Variants in DAZL observed in about 807,000 individuals in gnomAD.
The protein encoded by DAZL is deleted in azoospermia-like.
A neutral mutation model predicts 45.0 loss-of-function variants in DAZL; 4 were observed. The ratio of observed to expected loss-of-function variants is 0.09; its 90% confidence interval spans 0.04 to 0.20. The LOEUF (loss-of-function observed/expected upper bound fraction) is 0.20. Among genes scored for constraint, DAZL ranks in the 10% least tolerant of loss-of-function variants. The pLI is 1.00. For synonymous variants in DAZL, 122 were observed against 112.4 expected, an observed-to-expected ratio of 1.09 and a Z score of -0.54; for missense variants, 326 against 351.3, an observed-to-expected ratio of 0.93 and a Z score of 0.58.
intron 10 of DAZL, among the ~76,000 whole-genome samples, chr3:16,590,815 C>G (rs1421598298): frequency 6.0e-5 from 9 of 150,996 alleles, no homozygotes; most frequent in African/African-American, 2.2e-4. Flanking sequence ...ACAGGAAAAT[C>G]CTTAGAGAAA....
At chr3:16,604,837 G>A (rs1038293077) in intron 1 of DAZL, 12 of 859,476 alleles carry the variant, frequency 1.4e-5, no homozygotes, top group Admixed American at 1.2e-4. Context: ...TGGGAGTGGG[G>A]GCGGGGTGGG....
intron 1 of DAZL, among the ~76,000 whole-genome samples, chr3:16,602,950 C>A (rs1694714881): frequency 6.6e-6 from 1 of 151,994 alleles, no homozygotes; most frequent in Admixed American, 6.6e-5. Context: ...TGAATCAATA[C>A]AAATAAAAAT....
chr3:16,589,449 A>G (rs1468581279), intron 10 of DAZL, among the ~76,000 whole-genome samples: 1 of 152,138 alleles, frequency 6.6e-6, no homozygotes, highest in Admixed American at 6.6e-5. Flanking sequence ...AATCTGTCAA[A>G]AGAGTGATAT....
At chr3:16,600,468 T>C (rs559809012) in intron 1 of DAZL, among the ~76,000 whole-genome samples, 32 of 152,310 alleles carry the variant, frequency 2.1e-4, no homozygotes, top group African/African-American at 6.7e-4. Context: ...TTCATGACAA[T>C]GATGTGGAAG....
chr3:16,587,184 C>G lies in DAZL; in HGVS notation c.*1476G>C, dbSNP rs1694450246. On this transcript the variant is annotated 3_prime_UTR_variant, in exon 11 of 11. Transcript: ENST00000399444. ...TTGGGAATTCTAAAGTTAAAAGACT[C>G]TCTCCTTCAGATTCAGAATGAAAAT... 1 of 152,094 alleles carries G rather than the reference C, an allele frequency of 6.6e-6. No individual in the cohort carries two copies. Among genetic ancestry groups the G allele is most frequent in the African/African-American group, 2.4e-5 (1 of 41,424 alleles). The allele number at this position is 152,094 out of a possible 1,614,324, so 9.4% of individuals were successfully genotyped here.
intron 6 of DAZL, among the ~76,000 whole-genome samples, chr3:16,596,298 A>G (rs1204996249): frequency 1.3e-5 from 2 of 152,124 alleles, no homozygotes. Flanking sequence ...CAGGATTTAC[A>G]TAGTAAAACA....
At chr3:16,604,921 A>G in intron 1 of DAZL, 1 of 672,794 alleles carries the variant, frequency 1.5e-6, no homozygotes, top group East Asian at 2.8e-5. Flanking sequence ...GGGTGCCTCA[A>G]GAAGGCCGTG....
intron 10 of DAZL, among the ~76,000 whole-genome samples, chr3:16,591,236 G>A (rs1190918986): frequency 7.2e-5 from 11 of 151,912 alleles, no homozygotes; most frequent in African/African-American, 1.7e-4. Context: ...GATAGACGGC[G>A]GGATCAGAAA....
intron 1 of DAZL, among the ~76,000 whole-genome samples, chr3:16,603,266 C>T (rs184550486): frequency 1.3e-5 from 2 of 152,132 alleles, no homozygotes; most frequent in African/African-American, 2.4e-5. Context: ...AGCGCTTTCA[C>T]CCAGCAATTC....
intron 9 of DAZL, 146 bp downstream of exon 9, chr3:16,593,509 A>G (rs1421115478): frequency 2.3e-5 from 13 of 565,070 alleles, no homozygotes; most frequent in African/African-American, 2.3e-4. Flanking sequence ...TTCTTTTACT[A>G]TTTGGTCAAG....
chr3:16,598,277 T>G (rs949840403), intron 2 of DAZL, 99 bp from the exon 3 acceptor site: 2 of 1,414,890 alleles, frequency 1.4e-6, no homozygotes, highest in African/African-American at 2.8e-5. Context: ...TCTCCCCCAT[T>G]TATCCCCAAA....
At chr3:16,592,285 G>T (rs922010637) in intron 9 of DAZL, 137 bp from the exon 10 acceptor site, 1 of 1,317,882 alleles carries the variant, frequency 7.6e-7, no homozygotes, top group Admixed American at 2.0e-5. Context: ...GACTGGGAGT[G>T]GTGGCTCACG....
rs763085910 is a variant in DAZL at position 16,596,900 on chromosome 3, A to T, written c.359-11T>A. ...GCACATGATAAGCACCTTTTTGAAAAGCAAAAAGAAAAGGCCTATTTTTAG... is the reference window on the plus strand; with the variant it reads ...GCACATGATAAGCACCTTTTTGAAATGCAAAAAGAAAAGGCCTATTTTTAG... On this transcript the variant is annotated splice_polypyrimidine_tract_variant and intron_variant, in intron 5 of 10. Coordinates refer to ENST00000399444, the MANE Select transcript of DAZL (RefSeq NM_001351.4). The T allele has an allele frequency of 6.2e-7, 1 of 1,613,832 alleles. No individual in the cohort carries two copies. Among genetic ancestry groups the T allele is most frequent in the South Asian group, 1.1e-5 (1 of 91,066 alleles).
chr3:16,598,666 A>G, intron 1 of DAZL, 68 bp from the exon 2 acceptor site: 1 of 1,468,958 alleles, frequency 6.8e-7, no homozygotes, highest in Non-Finnish European at 9.1e-7. Flanking sequence ...GTGAAATATA[A>G]TTTTTGTATT....
chr3:16,591,946 T>C (rs1694524366), intron 10 of DAZL, 104 bp downstream of exon 10: 23 of 1,349,060 alleles, frequency 1.7e-5, no homozygotes, highest in South Asian at 7.2e-5. Context: ...CAACAGTTAA[T>C]TAAATGCTCT....
At position 16,593,505 on chromosome 3, in the gene DAZL, T is replaced by C. The variant is rs1305375098; in HGVS notation, c.735+150A>G. The C allele has an allele frequency of 2.5e-5, 14 of 551,514 alleles. No homozygotes were observed. In the South Asian group the frequency reaches 3.5e-4, roughly 14 times the overall value. The allele number at this position is 551,514 out of a possible 1,614,324, so 34.2% of individuals were successfully genotyped here. On this transcript the variant is annotated intron_variant, in intron 9 of 10. Transcript: ENST00000399444. Reference sequence around the variant, plus strand: ...GCTTTCTGTATCTAAAATTTTCTTTTACTATTTGGTCAAGCCAGTCAACTA... The same window carrying C: ...GCTTTCTGTATCTAAAATTTTCTTTCACTATTTGGTCAAGCCAGTCAACTA...
intron 1 of DAZL, among the ~76,000 whole-genome samples, chr3:16,601,101 T>C (rs1694682458): frequency 6.6e-6 from 1 of 152,226 alleles, no homozygotes; most frequent in Non-Finnish European, 1.5e-5. Flanking sequence ...AGGAAAATTA[T>C]TGTTTGGGAA....
chr3:16,599,666 T>C (rs1379717241), intron 1 of DAZL, among the ~76,000 whole-genome samples: 1 of 152,214 alleles, frequency 6.6e-6, no homozygotes, highest in African/African-American at 2.4e-5. Context: ...AACACACATA[T>C]AACTCATTTT....
chr3:16,604,821 A>C (rs1165689437), intron 1 of DAZL: 14 of 796,060 alleles, frequency 1.8e-5, no homozygotes, highest in Admixed American at 3.4e-5. Context: ...TGAGTGGGGG[A>C]GCGCGTGGGA....
Sources: allele counts gnomAD v4.1 joint callset (sites outside exome capture counted in the v4.1 genomes callset), GRCh38; gene constraint gnomAD v4.1.1; transcripts MANE v1.5; gene names NCBI Gene and HGNC (gene_info 2026-07-23, HGNC 2026-07-21).